Variants in SLC2A9 observed in about 807,000 individuals in gnomAD.
SLC2A9 encodes solute carrier family 2, facilitated glucose transporter member 9.
In SLC2A9, 39 loss-of-function variants were observed where a neutral mutation model predicts 50.6. The observed-to-expected ratio is 0.77, with a 90% confidence interval of 0.60 to 1.01. The LOEUF (loss-of-function observed/expected upper bound fraction) is 1.01, where lower values mean the gene tolerates loss of function less well. SLC2A9 is among the 50% of genes least tolerant of loss of function. The probability of loss-of-function intolerance (pLI) is 0.00; values close to 1 mark genes in which losing one functional copy is unlikely to be tolerated. For missense variants in SLC2A9, 686 were observed against 677.6 expected (o/e 1.01, Z -0.14); for synonymous variants, 324 against 276.9 (o/e 1.17, Z -1.69).
Position 9,996,924 on chromosome 4 carries a change from G to C in SLC2A9, c.267C>G (p.Tyr89Ter), listed in dbSNP as rs1191664880. The part of the protein sequence containing the change: ...NAPTPYIKAF[Y>*]NESWERRHGR... ...CATGCCTTCTTTCCCATGACTCATT[G>C]TAAAAGGCCTTGATGTACTGAAAAT... The change falls in exon 3 of 12, where the codon TAC (tyrosine) becomes TAG (stop). Residue 89 changes from tyrosine to a stop codon, truncating the protein, a stop_gained. Coordinates refer to ENST00000264784, the MANE Select transcript of SLC2A9 (RefSeq NM_020041.3). LOFTEE classifies it high-confidence loss of function. The C allele has an allele frequency of 1.2e-6, 2 of 1,613,942 alleles. No individual in the cohort carries two copies. The highest frequency in any genetic ancestry group is 4.5e-5 in the East Asian group (2 of 44,882).
intron 4 of SLC2A9, among the ~76,000 whole-genome samples, chr4:9,985,228 T>C (rs768585831): frequency 6.6e-6 from 1 of 152,130 alleles, no homozygotes; most frequent in Non-Finnish European, 1.5e-5. Flanking sequence ...AATCATTGTG[T>C]CTCCATCCTA....
intron 9 of SLC2A9, among the ~76,000 whole-genome samples, 164 bp from the exon 10 acceptor site, chr4:9,887,806 C>T (rs1336666994): frequency 6.6e-6 from 1 of 152,160 alleles, no homozygotes; most frequent in Non-Finnish European, 1.5e-5. Context: ...CAATGATAAC[C>T]CTTCGGTCAC....
intron 10 of SLC2A9, among the ~76,000 whole-genome samples, chr4:9,876,395 C>G (rs998383807): frequency 6.6e-6 from 1 of 152,068 alleles, no homozygotes; most frequent in Non-Finnish European, 1.5e-5. Flanking sequence ...GAGTTCCAGA[C>G]CAGGTTGGGA....
intron 3 of SLC2A9, among the ~76,000 whole-genome samples, chr4:9,993,751 C>A (rs1023050297): frequency 6.6e-6 from 1 of 152,080 alleles, no homozygotes; most frequent in Non-Finnish European, 1.5e-5. Flanking sequence ...AATTCTTGAT[C>A]GCTGAGAATT....
At chr4:9,791,102 G>A (rs1035724276) in intron 3 of SLC2A9, among the ~76,000 whole-genome samples, 1 of 152,154 alleles carries the variant, frequency 6.6e-6, no homozygotes, top group Non-Finnish European at 1.5e-5. Context: ...GGTCCTTTTA[G>A]AGGAGAAAAA....
chr4:9,794,133 G>C (rs943075683), downstream of SLC2A9, among the ~76,000 whole-genome samples: 2 of 151,766 alleles, frequency 1.3e-5, no homozygotes, highest in African/African-American at 4.8e-5. Flanking sequence ...TTTGTGCAGA[G>C]CGATCTCATT....
intron 3 of SLC2A9, among the ~76,000 whole-genome samples, chr4:9,993,132 ATGTTTG>A (rs1315184369): frequency 2.0e-5 from 3 of 152,122 alleles, no homozygotes; most frequent in Admixed American, 2.0e-4. Context: ...GTGCTCAAAA[ATGTTTG>A]TTTGGATAGA....
At chr4:9,924,826 T>G (rs1024941359) in intron 6 of SLC2A9, among the ~76,000 whole-genome samples, 2 of 152,188 alleles carry the variant, frequency 1.3e-5, no homozygotes, top group African/African-American at 4.8e-5. Flanking sequence ...GTGTCTGATT[T>G]GTCTGATCTA....
downstream of SLC2A9, among the ~76,000 whole-genome samples, chr4:9,776,411 A>G (rs1474951027): frequency 6.6e-6 from 1 of 151,916 alleles, no homozygotes; most frequent in Non-Finnish European, 1.5e-5. Context: ...AGGGAGGAAA[A>G]TATTTTCCTG....
At chr4:9,814,004 G>A (rs919384830) in intron 3 of SLC2A9, among the ~76,000 whole-genome samples, 3 of 152,210 alleles carry the variant, frequency 2.0e-5, no homozygotes, top group Non-Finnish European at 4.4e-5. Context: ...TCCAGGCGTG[G>A]TGGCACATGC....
intron 10 of SLC2A9, among the ~76,000 whole-genome samples, chr4:9,843,590 C>G (rs1440394771): frequency 1.3e-5 from 2 of 152,126 alleles, no homozygotes; most frequent in Non-Finnish European, 2.9e-5. Flanking sequence ...CACTTGCAGG[C>G]TCTATGTGAC....
chr4:9,902,481 T>G (rs1353729835), intron 8 of SLC2A9, among the ~76,000 whole-genome samples: 1 of 152,180 alleles, frequency 6.6e-6, no homozygotes. Context: ...ACTGCGTGAG[T>G]TTCCCAGGGC....
intron 2 of SLC2A9, among the ~76,000 whole-genome samples, chr4:10,001,569 G>A (rs959600330): frequency 1.1e-4 from 16 of 152,124 alleles, no homozygotes; most frequent in African/African-American, 3.9e-4. Context: ...GTAATATATT[G>A]CCTAGCTTCC....
chr4:9,817,020 C>T (rs1723693896), intron 3 of SLC2A9, among the ~76,000 whole-genome samples: 1 of 152,146 alleles, frequency 6.6e-6, no homozygotes, highest in African/African-American at 2.4e-5. Context: ...TGGCTCATGA[C>T]CCCTTCCTCC....
At chr4:9,887,512 C>T in intron 10 of SLC2A9, 55 bp downstream of exon 10, 1 of 1,510,214 alleles carries the variant, frequency 6.6e-7, no homozygotes, top group Non-Finnish European at 8.9e-7. Context: ...AGCCCCCCAG[C>T]TTGGTGATGC....
At chr4:9,942,611 G>C (rs1245036612) in intron 5 of SLC2A9, among the ~76,000 whole-genome samples, 1 of 152,166 alleles carries the variant, frequency 6.6e-6, no homozygotes, top group African/African-American at 2.4e-5. Flanking sequence ...GGGAGAGGAG[G>C]CCTTTCACTT....
At chr4:9,777,095 T>G (rs564629037), downstream of SLC2A9, among the ~76,000 whole-genome samples, 2 of 152,326 alleles carry the variant, frequency 1.3e-5, no homozygotes, top group South Asian at 2.1e-4. Context: ...TAGCACTGTA[T>G]GACATTGTTT....
intron 5 of SLC2A9, among the ~76,000 whole-genome samples, chr4:9,980,172 A>C (rs1005558835): frequency 1.3e-5 from 2 of 152,242 alleles, no homozygotes; most frequent in Non-Finnish European, 2.9e-5. Flanking sequence ...AAAGAGACTA[A>C]AGAATGAGGT....
chr4:9,917,296 A>G (rs34752819), intron 7 of SLC2A9, among the ~76,000 whole-genome samples: 26,526 of 146,108 alleles, frequency 0.18, 3,330 homozygotes, highest in East Asian at 0.67. Flanking sequence ...AATGTTGGTT[A>G]TCCCAACTTT....
Sources: allele counts gnomAD v4.1 joint callset (sites outside exome capture counted in the v4.1 genomes callset), GRCh38; gene constraint gnomAD v4.1.1; transcripts MANE v1.5; gene names NCBI Gene and HGNC (gene_info 2026-07-23, HGNC 2026-07-21).